The following TMEM143 variants were observed in gnomAD, a reference collection of about 807,000 sequenced individuals.
TMEM143 encodes transmembrane protein 143.
A neutral mutation model predicts 40.3 loss-of-function variants in TMEM143; 45 were observed. The observed-to-expected ratio is 1.12, with a 90% CI of 0.88 to 1.43. TMEM143 has a LOEUF of 1.43. Among genes scored for constraint, TMEM143 ranks in the 40% most tolerant of loss-of-function variants. The probability of loss-of-function intolerance (pLI) is 0.00; values close to 1 mark genes in which losing one functional copy is unlikely to be tolerated. For synonymous variants in TMEM143, 299 were observed against 282.7 expected, an observed-to-expected ratio of 1.06 and a Z score of -0.58; for missense variants, 620 against 613.4, an observed-to-expected ratio of 1.01 and a Z score of -0.11.
intron 3 of TMEM143, among the ~76,000 whole-genome samples, chr19:48,359,131 C>T (rs374606995): frequency 2.0e-5 from 3 of 152,178 alleles, no homozygotes; most frequent in East Asian, 3.9e-4. Context: ...GATCGCACCA[C>T]TGCACTCCAG....
rs564691412 is a variant in TMEM143 at position 48,343,097 on chromosome 19, G to A, written c.695+224C>T. 4.0e-4 allele frequency: 285 copies of A among 709,514 alleles called. No individual in the cohort carries two copies. In the African/African-American group the frequency reaches 4.0e-3, roughly 10 times the overall value. The allele number at this position is 709,514 out of a possible 1,614,324, so 44.0% of individuals were successfully genotyped here. The stretch of plus-strand genomic sequence containing the variant: ...CTCCGAGCCTCAGTTTTCCTTATTG[G>A]AAAATGGGGAGAACTGTCCCCATCC... On this transcript the variant is annotated intron_variant, in intron 5 of 7. Transcript: ENST00000293261.
At chr19:48,337,643 G>C (rs2147357166) in intron 6 of TMEM143, among the ~76,000 whole-genome samples, 1 of 152,078 alleles carries the variant, frequency 6.6e-6, no homozygotes, top group South Asian at 2.1e-4. Flanking sequence ...CCCACACCCT[G>C]TGCTGGGTGC....
chr19:48,343,494 A>T (rs1969558940), intron 4 of TMEM143, 43 bp from the exon 5 acceptor site: 2 of 1,540,276 alleles, frequency 1.3e-6, no homozygotes, highest in Admixed American at 2.0e-5. Context: ...GAACATGGGC[A>T]GGAGTGTTGA....
chr19:48,347,432 G>A (rs1969659267), intron 3 of TMEM143, among the ~76,000 whole-genome samples: 1 of 152,278 alleles, frequency 6.6e-6, no homozygotes, highest in Non-Finnish European at 1.5e-5. Flanking sequence ...GAGATTCAAA[G>A]GCCGGCACAG....
chr19:48,343,446 T>C lies in TMEM143; in HGVS notation c.570A>G (p.Thr190=). Residue 190 remains threonine (T), a synonymous_variant, in exon 5 of 8, where the codon ACA becomes ACG. Transcript: ENST00000293261. ...VHHPQDEVQV[T]VNLDQYVYIH... ...TGTAGACATACTGATCCAAATTTACTGTCACCTGCCGGGGGGATGAAGGAA... is the reference window on the plus strand; with the variant it reads ...TGTAGACATACTGATCCAAATTTACCGTCACCTGCCGGGGGGATGAAGGAA... 6.3e-7 allele frequency: 1 copy of C among 1,576,368 alleles called. No individual in the cohort carries two copies. The highest frequency in any genetic ancestry group is 8.6e-7 in the Non-Finnish European group (1 of 1,160,388).
chr19:48,334,255 A>G (rs1451117617), intron 6 of TMEM143, 58 bp from the exon 7 acceptor site: 2 of 1,507,024 alleles, frequency 1.3e-6, no homozygotes, highest in Admixed American at 2.0e-5. Context: ...ACCCATACAC[A>G]GCCCCCGGGG....
chr19:48,348,859 C>T (rs895178094), intron 3 of TMEM143, among the ~76,000 whole-genome samples: 4 of 152,144 alleles, frequency 2.6e-5, no homozygotes, highest in African/African-American at 4.8e-5. Context: ...TAAATCCCCT[C>T]GGTCACTCCA....
intron 3 of TMEM143, among the ~76,000 whole-genome samples, chr19:48,350,919 CAAAAA>C (rs71181680): frequency 5.7e-5 from 5 of 88,242 alleles, no homozygotes; most frequent in Admixed American, 1.2e-4. Context: ...GACTACATCT[CAAAAA>C]AAAAAAAAAA....
chr19:48,352,246 C>CAAAAAAAAAAAAAAAAAA (rs1231759805), intron 3 of TMEM143, among the ~76,000 whole-genome samples: 1 of 41,566 alleles, frequency 2.4e-5, no homozygotes, highest in Non-Finnish European at 4.1e-5. Context: ...GACTCTGTCT[C>CAAAAAAAAAAAAAAAAAA]AAAAAAAAAA....
Position 48,342,814 on chromosome 19 carries a change from G to C in TMEM143, c.696-5C>G, listed in dbSNP as rs1384853729. ...ACCACCCGCTTAAAGTATCTCCTGA[G>C]GGACAGAGACAGAGGCAGGAGCAGG... On this transcript the variant is annotated splice_region_variant and splice_polypyrimidine_tract_variant and intron_variant, in intron 5 of 7. Transcript: ENST00000293261. 1 of 1,594,630 alleles carries C rather than the reference G, an allele frequency of 6.3e-7. No individual in the cohort carries two copies. The highest frequency in any genetic ancestry group is 1.7e-5 in the Admixed American group (1 of 59,380).
chr19:48,341,262 C>G (rs1363796896), intron 6 of TMEM143, among the ~76,000 whole-genome samples: 1 of 152,214 alleles, frequency 6.6e-6, no homozygotes, highest in Non-Finnish European at 1.5e-5. Flanking sequence ...GCAAGCGGAG[C>G]ACAAGTTGGG....
chr19:48,359,411 T>C (rs900058488), intron 3 of TMEM143, among the ~76,000 whole-genome samples: 1 of 151,902 alleles, frequency 6.6e-6, no homozygotes, highest in African/African-American at 2.4e-5. Context: ...ATCAGGCTCG[T>C]TCCCCCTCTT....
rs577449349 is a variant in TMEM143, at chr19:48,336,893, T to C, written c.976-2696A>G. On this transcript the variant is annotated intron_variant, in intron 6 of 7. Coordinates refer to ENST00000293261, the MANE Select transcript of TMEM143 (RefSeq NM_018273.4). ...AAAATTAGCTGGGCGTGGTGGTGGG[T>C]GCCTGTAGTCCCAGCTACTCAGGAG... Among the ~76,000 whole-genome samples the C allele has an allele frequency of 3.7e-3, 560 of 151,330 alleles. 3 individuals carry two copies. The highest frequency in any genetic ancestry group is 5.1e-3 in the Non-Finnish European group (343 of 67,796).
chr19:48,363,808 T>A, intron 1 of TMEM143, 90 bp downstream of exon 1: 1 of 1,595,722 alleles, frequency 6.3e-7, no homozygotes, highest in Non-Finnish European at 8.6e-7. Flanking sequence ...GCGAGGTAGA[T>A]CTTAGGAGAG....
At chr19:48,334,567 C>T (rs1312861511) in intron 6 of TMEM143, among the ~76,000 whole-genome samples, 3 of 129,174 alleles carry the variant, frequency 2.3e-5, no homozygotes, top group East Asian at 2.1e-4. Context: ...TCCTTCCTTC[C>T]TTTCTTTCTT....
intron 6 of TMEM143, among the ~76,000 whole-genome samples, chr19:48,335,730 T>A (rs568724809): frequency 2.0e-4 from 30 of 151,284 alleles, no homozygotes; most frequent in Middle Eastern, 6.8e-3. Context: ...CCTCAAAAAA[T>A]AATAATAATA....
At chr19:48,334,981 G>A (rs1969335424) in intron 6 of TMEM143, among the ~76,000 whole-genome samples, 1 of 152,182 alleles carries the variant, frequency 6.6e-6, no homozygotes, top group Non-Finnish European at 1.5e-5. Context: ...GCACTGGTTT[G>A]CTCATCTGAG....
intron 3 of TMEM143, among the ~76,000 whole-genome samples, chr19:48,348,342 G>A (rs1969691969): frequency 6.6e-6 from 1 of 151,918 alleles, no homozygotes; most frequent in African/African-American, 2.4e-5. Flanking sequence ...AAATCCTGCC[G>A]ATTCCACCTT....
At chr19:48,349,461 C>T (rs1443328947) in intron 3 of TMEM143, among the ~76,000 whole-genome samples, 7 of 152,106 alleles carry the variant, frequency 4.6e-5, no homozygotes, top group South Asian at 2.1e-4. Context: ...CTGAGCAACG[C>T]GGTGAAACCC....
Sources: allele counts gnomAD v4.1 joint callset (sites outside exome capture counted in the v4.1 genomes callset), GRCh38; gene constraint gnomAD v4.1.1; transcripts MANE v1.5; gene names NCBI Gene and HGNC (gene_info 2026-07-23, HGNC 2026-07-21).